Variants in ZNF362 observed in about 807,000 individuals in gnomAD.
The protein encoded by ZNF362 is zinc finger protein 362.
ZNF362 carries 11 observed loss-of-function variants against 42.9 expected under a neutral mutation model. The observed-to-expected ratio is 0.26, with a 90% confidence interval of 0.16 to 0.42. The LOEUF is 0.42. ZNF362 is among the 20% of genes least tolerant of loss of function. The pLI is 1.00. For synonymous variants in ZNF362, 255 were observed against 257.3 expected, an observed-to-expected ratio of 0.99 and a Z score of 0.09; for missense variants, 362 against 576.2, an observed-to-expected ratio of 0.63 and a Z score of 3.81.
intron 8 of ZNF362, among the ~76,000 whole-genome samples, chr1:33,298,575 C>T (rs1472635549): frequency 6.6e-6 from 1 of 152,236 alleles, no homozygotes; most frequent in Non-Finnish European, 1.5e-5. Context: ...TGCTGCCTCA[C>T]TGTCACTGGG....
At position 33,270,765 on chromosome 1, in the gene ZNF362, G is replaced by A. The variant is rs561472018; in HGVS notation, c.38+153G>A. ...AGGTGTGTGCTTACCCTCCTGTAGC[G>A]GCCTCCTGTGTCGTGGTGGCTGTGG... is the stretch of plus-strand genomic sequence containing the variant. On this transcript the variant is annotated intron_variant, in intron 2 of 8. Transcript: ENST00000539719. 8.5e-5 allele frequency among the ~76,000 whole-genome samples: 13 copies of A among 152,264 alleles called. No homozygotes were observed. In the South Asian group the frequency reaches 2.1e-3, roughly 24 times the overall value.
At chr1:33,213,285 C>T in the ZNF362 span, among the ~76,000 whole-genome samples, 2 of 152,132 alleles carry the variant, frequency 1.3e-5, no homozygotes, top group African/African-American at 4.8e-5. Flanking sequence ...TGAGCCACTA[C>T]GCCCAGCCTG....
chr1:33,158,306 G>C, the ZNF362 span: 1 of 1,614,028 alleles, frequency 6.2e-7, no homozygotes, highest in African/African-American at 1.3e-5. Flanking sequence ...CAGGGGGCCT[G>C]TGTACTTGGA....
chr1:33,238,831 A>G, the ZNF362 span, among the ~76,000 whole-genome samples: 1 of 152,168 alleles, frequency 6.6e-6, no homozygotes, highest in African/African-American at 2.4e-5. Flanking sequence ...AGAAAAGGCC[A>G]TGTGGAGACA....
At chr1:33,218,845 C>G in the ZNF362 span, among the ~76,000 whole-genome samples, 1 of 151,608 alleles carries the variant, frequency 6.6e-6, no homozygotes, top group Non-Finnish European at 1.5e-5. Flanking sequence ...GAGATTGGAA[C>G]AGTTCTGCCT....
At chr1:33,159,045 A>C in the ZNF362 span, among the ~76,000 whole-genome samples, 7 of 151,710 alleles carry the variant, frequency 4.6e-5, no homozygotes, top group Admixed American at 4.6e-4. The surrounding 1 kb of genome is among the most constrained non-coding windows in gnomAD (Gnocchi z 4.2). Context: ...GGGTTTCACC[A>C]TGTTAGTCAG....
At chr1:33,166,591 A>G in the ZNF362 span, among the ~76,000 whole-genome samples, 4 of 152,198 alleles carry the variant, frequency 2.6e-5, no homozygotes, top group African/African-American at 9.6e-5. Context: ...AAAAAGATAC[A>G]GAGAGGTCAA....
At chr1:33,147,830 CCTCT>C in the ZNF362 span, 5 of 1,305,476 alleles carry the variant, frequency 3.8e-6, no homozygotes, top group Non-Finnish European at 4.2e-6. This position sits in a 1 kb window ranked among gnomAD's most constrained non-coding sequence, Gnocchi z 8.1. Flanking sequence ...ACGCAGGAGG[CCTCT>C]GACCTGCTGT....
At position 33,280,726 on chromosome 1, in the gene ZNF362, C is replaced by T. The variant is rs927105180; in HGVS notation, c.683+269C>T. Among the ~76,000 whole-genome samples, 3 of 152,190 alleles carry T rather than the reference C, an allele frequency of 2.0e-5. No individual in the cohort carries two copies. The highest frequency in any genetic ancestry group is 4.4e-5 in the Non-Finnish European group (3 of 68,026). ...CCCCACAGCCTGGGGTTGTGAGAGT[C>T]GGTTTCCTCCTCCCTTTAAGCAGTG... On this transcript the variant is annotated intron_variant, in intron 5 of 8. Transcript: ENST00000539719. The surrounding 1 kb of genome is among the most constrained non-coding windows in gnomAD (Gnocchi z 5.6).
the ZNF362 span, among the ~76,000 whole-genome samples, chr1:33,156,141 G>C: frequency 6.6e-6 from 1 of 152,188 alleles, no homozygotes; most frequent in Non-Finnish European, 1.5e-5. Flanking sequence ...CTGCAGTCAA[G>C]ACTGTCACTC....
the ZNF362 span, among the ~76,000 whole-genome samples, chr1:33,132,019 G>A: frequency 2.2e-4 from 33 of 152,158 alleles, no homozygotes; most frequent in African/African-American, 3.6e-4. Flanking sequence ...AGGGGCCTTC[G>A]CAGCAGAGCT....
the ZNF362 span, among the ~76,000 whole-genome samples, chr1:33,245,305 G>T: frequency 6.6e-6 from 1 of 152,162 alleles, no homozygotes; most frequent in South Asian, 2.1e-4. Context: ...GAAAGGATTG[G>T]AGTTAGTTAT....
intron 2 of ZNF362, among the ~76,000 whole-genome samples, chr1:33,273,461 A>T (rs1196870246): frequency 6.6e-6 from 1 of 152,182 alleles, no homozygotes; most frequent in African/African-American, 2.4e-5. Flanking sequence ...TAGCCTCCTG[A>T]TCAGGGTAGT....
chr1:33,198,915 G>A, the ZNF362 span, among the ~76,000 whole-genome samples: 1 of 152,126 alleles, frequency 6.6e-6, no homozygotes, highest in East Asian at 1.9e-4. Context: ...TGAGATTAAT[G>A]GCAGTTTTGA....
chr1:33,143,376 A>G, the ZNF362 span: 2 of 152,262 alleles, frequency 1.3e-5, no homozygotes, highest in Non-Finnish European at 2.9e-5. Flanking sequence ...CAGAGGGAGA[A>G]GGCTGAGCAA....
chr1:33,196,997 C>T, the ZNF362 span, among the ~76,000 whole-genome samples: 46 of 152,232 alleles, frequency 3.0e-4, no homozygotes, highest in African/African-American at 9.9e-4. Flanking sequence ...TGGGTGCCAT[C>T]CAATGGGCTG....
rs563042892 is a variant in ZNF362, at chr1:33,299,580, G to C, written c.*534G>C. ...GTGGGAGGGGCAGGAAGCAGCCGGA[G>C]TGAGCCCTTCGCCCCTGAGTGCCTG... On this transcript the variant is annotated 3_prime_UTR_variant, in exon 9 of 9. Transcript: ENST00000539719. 514 of 155,148 alleles carry C rather than the reference G, an allele frequency of 3.3e-3. 1 individual carries two copies. The Middle Eastern group carries it at 0.07, about 21-fold the overall frequency. The allele number at this position is 155,148 out of a possible 1,614,324, so 9.6% of individuals were successfully genotyped here.
chr1:33,268,995 G>A (rs1333635869), intron 1 of ZNF362, among the ~76,000 whole-genome samples: 1 of 152,156 alleles, frequency 6.6e-6, no homozygotes, highest in Non-Finnish European at 1.5e-5. Flanking sequence ...CCTGGATCAG[G>A]GCAGGGGAGG....
the ZNF362 span, among the ~76,000 whole-genome samples, chr1:33,150,137 T>C: frequency 2.0e-5 from 3 of 152,220 alleles, no homozygotes; most frequent in Non-Finnish European, 4.4e-5. Flanking sequence ...TGGCTTTCCT[T>C]AGCCTGAATG....
Sources: allele counts gnomAD v4.1 joint callset (sites outside exome capture counted in the v4.1 genomes callset), GRCh38; gene constraint gnomAD v4.1.1; non-coding constraint Gnocchi (gnomAD v3.1); transcripts MANE v1.5; gene names NCBI Gene and HGNC (gene_info 2026-07-23, HGNC 2026-07-21).